ARHGAP42: variants seen among roughly 807,000 people sequenced by gnomAD.
ARHGAP42 encodes the protein Rho GTPase activating protein 42.
ARHGAP42 carries 63 observed loss-of-function variants against 125.0 expected under a neutral mutation model. That is an observed-to-expected ratio of 0.50 (90% CI 0.41 to 0.62). ARHGAP42 has a LOEUF of 0.62. Among genes scored for constraint, ARHGAP42 ranks in the 20% least tolerant of loss-of-function variants. ARHGAP42 has a pLI of 0.00. For missense variants in ARHGAP42, 766 were observed against 1,024.2 expected (o/e 0.75, Z 3.44); for synonymous variants, 339 against 351.0 (o/e 0.97, Z 0.38).
At chr11:100,953,077 T>G (rs1288203751) in intron 12 of ARHGAP42, among the ~76,000 whole-genome samples, 1 of 152,136 alleles carries the variant, frequency 6.6e-6, no homozygotes, top group Non-Finnish European at 1.5e-5. Context: ...GTTTATATCT[T>G]TCTTTTTGTC....
chr11:100,700,632 C>T (rs1398202779), intron 1 of ARHGAP42, among the ~76,000 whole-genome samples: 1 of 152,192 alleles, frequency 6.6e-6, no homozygotes, highest in Non-Finnish European at 1.5e-5. Context: ...CTTTGCTCAT[C>T]TGTAAGAAGC....
At chr11:100,796,683 T>C (rs1160624831) in intron 3 of ARHGAP42, among the ~76,000 whole-genome samples, 3 of 151,802 alleles carry the variant, frequency 2.0e-5, no homozygotes, top group Admixed American at 6.6e-5. Context: ...ATGGAGAAAA[T>C]TTTAGTGGTC....
At chr11:100,719,027 T>A (rs1337285106) in intron 1 of ARHGAP42, among the ~76,000 whole-genome samples, 1 of 152,240 alleles carries the variant, frequency 6.6e-6, no homozygotes, top group Non-Finnish European at 1.5e-5. Flanking sequence ...ATACAATTCC[T>A]TAATAGATTG....
chr11:100,779,467 A>AT lies in ARHGAP42; in HGVS notation c.250+9029_250+9030insT, dbSNP rs1307698779. 3.4e-3 allele frequency among the ~76,000 whole-genome samples: 294 copies of AT among 85,512 alleles called. 6 individuals carry two copies. Among genetic ancestry groups the AT allele is most frequent in the East Asian group, 9.9e-3 (23 of 2,314 alleles). The allele number at this position is 85,512 out of a possible 152,430, so 56.1% of individuals were successfully genotyped here. A position where few individuals can be genotyped will look rare whatever the true frequency, so the allele number is the denominator to read the frequency against. On this transcript the variant is annotated intron_variant, in intron 2 of 23. Transcript: ENST00000298815. ...TCTCAAAAAAAAAAAAAAAAAAAAA[A>AT]ATATATATATATATATATACACACA... is the stretch of plus-strand genomic sequence containing the variant.
intron 1 of ARHGAP42, among the ~76,000 whole-genome samples, chr11:100,747,515 C>T (rs1415330755): frequency 6.6e-6 from 1 of 152,150 alleles, no homozygotes; most frequent in Non-Finnish European, 1.5e-5. Context: ...TCCTGTTGTG[C>T]TTTTATTTTA....
At chr11:100,846,804 C>G (rs76360176) in intron 3 of ARHGAP42, among the ~76,000 whole-genome samples, 2,767 of 152,124 alleles carry the variant, frequency 0.018, 89 homozygotes, top group African/African-American at 0.063. Context: ...GGAGGTAAAA[C>G]TTGGCTGAGG....
At chr11:100,862,764 C>G (rs902486398) in intron 4 of ARHGAP42, among the ~76,000 whole-genome samples, 3 of 152,096 alleles carry the variant, frequency 2.0e-5, no homozygotes, top group African/African-American at 7.2e-5. Flanking sequence ...GGTGTGGTGG[C>G]TCATGCCGGT....
At chr11:100,913,088 C>T (rs1004709476) in intron 4 of ARHGAP42, among the ~76,000 whole-genome samples, 1 of 151,986 alleles carries the variant, frequency 6.6e-6, no homozygotes, top group African/African-American at 2.4e-5. Flanking sequence ...ACATCTCAGA[C>T]CCACTGGATC....
At chr11:100,958,109 A>T (rs201008455) in intron 12 of ARHGAP42, among the ~76,000 whole-genome samples, 5 of 32,998 alleles carry the variant, frequency 1.5e-4, no homozygotes, top group Non-Finnish European at 1.2e-4. Flanking sequence ...ACCTAGGGTT[A>T]CTTTTTTTTG....
chr11:100,855,175 A>ATTT (rs1337866913), intron 3 of ARHGAP42, among the ~76,000 whole-genome samples: 14 of 152,154 alleles, frequency 9.2e-5, no homozygotes, highest in African/African-American at 2.7e-4. Context: ...TGCTTTAAAT[A>ATTT]GTACTTGAGA....
chr11:100,864,245 C>T (rs11224492), intron 4 of ARHGAP42, among the ~76,000 whole-genome samples: 11,221 of 150,962 alleles, frequency 0.074, 573 homozygotes, highest in East Asian at 0.25. Context: ...AGTGCAGTAG[C>T]GCAATCTCGG....
In ARHGAP42 at chr11:100,746,571, G is replaced by A. The variant is rs115099909; in HGVS notation, c.155-23772G>A. ...ATCTTTACACCCTGTTTCAATGGCT[G>A]TGGTTTGCCTTAGGTCTCCTATTTC... On this transcript the variant is annotated intron_variant, in intron 1 of 23. Coordinates refer to ENST00000298815, the MANE Select transcript of ARHGAP42 (RefSeq NM_152432.4). Among the ~76,000 whole-genome samples, 530 of 152,308 alleles carry A rather than the reference G, an allele frequency of 3.5e-3. 3 individuals carry two copies. The highest frequency in any genetic ancestry group is 0.012 in the African/African-American group (505 of 41,580).
chr11:100,733,086 T>C (rs1861988400), intron 1 of ARHGAP42, among the ~76,000 whole-genome samples: 2 of 152,210 alleles, frequency 1.3e-5, no homozygotes. Flanking sequence ...ACTTTCACTT[T>C]ATGCAAAGCA....
intron 3 of ARHGAP42, among the ~76,000 whole-genome samples, chr11:100,838,541 C>CA (rs1315858273): frequency 1.3e-5 from 2 of 151,614 alleles, no homozygotes; most frequent in African/African-American, 2.4e-5. Context: ...CTTGCCTCTA[C>CA]AAAAAATCAA....
At chr11:100,715,973 G>A (rs182208754) in intron 1 of ARHGAP42, among the ~76,000 whole-genome samples, 2 of 152,306 alleles carry the variant, frequency 1.3e-5, no homozygotes, top group East Asian at 1.9e-4. Context: ...GATGGGATTG[G>A]TGTAGGAAGA....
In ARHGAP42 at chr11:100,948,441, A is replaced by G; in HGVS notation, c.1044-16A>G. On this transcript the variant is annotated splice_polypyrimidine_tract_variant and intron_variant, in intron 10 of 23. Transcript: ENST00000298815. The stretch of plus-strand genomic sequence containing the variant: ...TAGTAAATGTGTAAATATAGAAAAT[A>G]TTTGTTTTTAAATAGGCATGGGATC... 2 of 1,510,660 alleles carry G rather than the reference A, an allele frequency of 1.3e-6. No homozygotes were observed. The highest frequency in any genetic ancestry group is 1.8e-6 in the Non-Finnish European group (2 of 1,124,766). The allele number at this position is 1,510,660 out of a possible 1,614,324, so 93.6% of individuals were successfully genotyped here. A position where few individuals can be genotyped will look rare whatever the true frequency, so the allele number is the denominator to read the frequency against.
chr11:100,913,686 G>A (rs1191452820), intron 5 of ARHGAP42, 133 bp downstream of exon 5: 6 of 364,972 alleles, frequency 1.6e-5, no homozygotes, highest in Non-Finnish European at 5.1e-6. Flanking sequence ...AATTAATTGA[G>A]CACTTACTAT....
chr11:100,927,437 A>G (rs1016309281), intron 6 of ARHGAP42, among the ~76,000 whole-genome samples: 1 of 152,224 alleles, frequency 6.6e-6, no homozygotes, highest in Non-Finnish European at 1.5e-5. Flanking sequence ...ATTTAACAAC[A>G]AAACTTTTAA....
intron 3 of ARHGAP42, among the ~76,000 whole-genome samples, chr11:100,826,305 T>C (rs1259033526): frequency 2.0e-5 from 3 of 152,178 alleles, no homozygotes; most frequent in Non-Finnish European, 2.9e-5. Flanking sequence ...TTTGTGGACT[T>C]TCTGTAGTTT....
Sources: allele counts gnomAD v4.1 joint callset (sites outside exome capture counted in the v4.1 genomes callset), GRCh38; gene constraint gnomAD v4.1.1; transcripts MANE v1.5; gene names NCBI Gene and HGNC (gene_info 2026-07-23, HGNC 2026-07-21).